Variants in LIN7B observed in about 807,000 individuals in gnomAD.
LIN7B encodes protein lin-7 homolog B.
Under a neutral mutation model 27.9 loss-of-function variants are expected in LIN7B, and 16 were observed. The ratio of observed to expected loss-of-function variants is 0.57; its 90% CI spans 0.39 to 0.87. The LOEUF (loss-of-function observed/expected upper bound fraction) is 0.87, where lower values mean the gene tolerates loss of function less well. LIN7B is among the 40% of genes least tolerant of loss of function. The pLI, the probability that LIN7B is intolerant of heterozygous loss-of-function variation, is 0.00. For synonymous variants in LIN7B, 147 were observed against 120.8 expected, an observed-to-expected ratio of 1.22 and a Z score of -1.42; for missense variants, 291 against 288.5, an observed-to-expected ratio of 1.01 and a Z score of -0.06.
chr19:49,116,333 A>T lies in LIN7B; in HGVS notation c.299A>T (p.Asp100Val), dbSNP rs2040824840. 1 of 1,614,170 alleles carries T rather than the reference A, an allele frequency of 6.2e-7. No homozygotes were observed. The highest frequency in any genetic ancestry group is 8.5e-7 in the Non-Finnish European group (1 of 1,180,024). The change falls in exon 4 of 6, where the codon GAT (aspartate) becomes GTT (valine). Residue 100 changes from aspartate (D) to valine (V), a missense_variant. Coordinates refer to ENST00000221459, the MANE Select transcript of LIN7B (RefSeq NM_022165.3). ...AGGGTAGTGGAGCTACCCAAGACGG[A>T]TGAGGGCCTAGGCTTCAACATCATG... is the stretch of plus-strand genomic sequence containing the variant. ...HPRVVELPKT[D>V]EGLGFNIMGG...
rs35767922 is a variant in LIN7B, at chr19:49,114,530, C to T, written c.37+89C>T. 0.3 allele frequency: 314,859 copies of T among 1,049,104 alleles called. 48,691 individuals carry two copies. Among genetic ancestry groups the T allele is most frequent in the African/African-American group, 0.35 (20,995 of 60,266 alleles). 65.0% of individuals were successfully genotyped at this position (1,049,104 alleles called of 1,614,324 possible). A position where few individuals can be genotyped will look rare whatever the true frequency, so the allele number is the denominator to read the frequency against. ...CCGCCCTTCCCGGGTCAGGCCAGTG[C>T]GGGTGGGCCAGCGGACCCGGAGGGG... is the stretch of plus-strand genomic sequence containing the variant. On this transcript the variant is annotated intron_variant, in intron 1 of 5. Coordinates refer to ENST00000221459, the MANE Select transcript of LIN7B (RefSeq NM_022165.3).
chr19:49,118,229 C>A (rs866667352), intron 5 of LIN7B, 123 bp from the exon 6 acceptor site: 34 of 1,339,340 alleles, frequency 2.5e-5, no homozygotes, highest in African/African-American at 1.2e-4. Context: ...AGATACGGAA[C>A]CTACTGTGGC....
Position 49,115,147 on chromosome 19 carries a change from C to T in LIN7B, c.157-113C>T, listed in dbSNP as rs1045967434. 79 of 997,666 alleles carry T rather than the reference C, an allele frequency of 7.9e-5. No individual in the cohort carries two copies. The African/African-American group carries it at 1.2e-3, about 15-fold the overall frequency. The allele number at this position is 997,666 out of a possible 1,614,324, so 61.8% of individuals were successfully genotyped here. A position where few individuals can be genotyped will look rare whatever the true frequency, so the allele number is the denominator to read the frequency against. ...TTGTAGTTTTCTCGGCCTTCTGTTGCGGGGGCGGGGCGGATCCTTGCGTGG... is the reference window on the plus strand; with the variant it reads ...TTGTAGTTTTCTCGGCCTTCTGTTGTGGGGGCGGGGCGGATCCTTGCGTGG... On this transcript the variant is annotated intron_variant, in intron 2 of 5. Coordinates refer to ENST00000221459, the MANE Select transcript of LIN7B (RefSeq NM_022165.3).
At chr19:49,116,116 G>T in intron 3 of LIN7B, 147 bp from the exon 4 acceptor site, 1 of 629,548 alleles carries the variant, frequency 1.6e-6, no homozygotes, top group Non-Finnish European at 2.8e-6. Context: ...GTCATTACAG[G>T]GGGATCGTGC....
At chr19:49,117,796 G>C (rs941476682) in intron 4 of LIN7B, 59 bp from the exon 5 acceptor site, 1 of 1,509,234 alleles carries the variant, frequency 6.6e-7, no homozygotes, top group Non-Finnish European at 9.2e-7. Context: ...CCATCTCCCA[G>C]TGGGGGCTGG....
chr19:49,114,379 G>C lies in LIN7B; in HGVS notation c.-26G>C, dbSNP rs540223275. 8.4e-7 allele frequency: 1 copy of C among 1,191,420 alleles called. No homozygotes were observed. The highest frequency in any genetic ancestry group is 1.0e-6 in the Non-Finnish European group (1 of 961,890). The allele number at this position is 1,191,420 out of a possible 1,614,324, so 73.8% of individuals were successfully genotyped here. On this transcript the variant is annotated 5_prime_UTR_variant, in exon 1 of 6. Coordinates refer to ENST00000221459, the MANE Select transcript of LIN7B (RefSeq NM_022165.3). ...CCTCCTCGCCGGCGCCAGGGCAGGC[G>C]GGCGGCTGGCAGCTGTGGCGCCGAC...
At chr19:49,116,222 C>T (rs758874770) in intron 3 of LIN7B, 41 bp from the exon 4 acceptor site, 18 of 1,576,618 alleles carry the variant, frequency 1.1e-5, no homozygotes, top group Admixed American at 1.7e-5. Context: ...TCATGCCTAC[C>T]TGGAAGGGGC....
At chr19:49,118,047 G>A (rs1600311474) in intron 5 of LIN7B, 29 bp downstream of exon 5, 1 of 1,611,286 alleles carries the variant, frequency 6.2e-7, no homozygotes, top group Admixed American at 1.7e-5. Flanking sequence ...ACACCCCTGG[G>A]GCCTCCACGG....
In LIN7B at chr19:49,116,364, C is replaced by G. The variant is rs2040825323; in HGVS notation, c.330C>G (p.Gly110=). The change falls in exon 4 of 6, where the codon GGC becomes GGG. Residue 110 remains glycine (G), a synonymous_variant. Transcript: ENST00000221459. ...GCCTAGGCTTCAACATCATGGGTGG[C>G]AAAGAGCAAAACTCGCCCATCTACA... The part of the protein sequence containing the change: ...DEGLGFNIMG[G]KEQNSPIYIS... 21 of 1,614,200 alleles carry G rather than the reference C, an allele frequency of 1.3e-5. No individual in the cohort carries two copies. The highest frequency in any genetic ancestry group is 1.8e-5 in the Non-Finnish European group (21 of 1,180,026).
intron 4 of LIN7B, among the ~76,000 whole-genome samples, chr19:49,117,339 G>C (rs2040843680): frequency 6.6e-6 from 1 of 151,910 alleles, no homozygotes; most frequent in South Asian, 2.1e-4. Context: ...GGACCTGAGT[G>C]CCAGCCTGAG....
chr19:49,118,197 C>G, intron 5 of LIN7B, 155 bp from the exon 6 acceptor site: 2 of 1,296,934 alleles, frequency 1.5e-6, no homozygotes, highest in Non-Finnish European at 2.2e-6. Context: ...CCCTGGGGAG[C>G]CCTTAGCTTC....
At position 49,116,340 on chromosome 19, in the gene LIN7B, C is replaced by T. The variant is rs1360007743; in HGVS notation, c.306C>T (p.Gly102=). ...RVVELPKTDE[G]LGFNIMGGKE... Reference sequence around the variant, plus strand: ...TGGAGCTACCCAAGACGGATGAGGGCCTAGGCTTCAACATCATGGGTGGCA... The same window carrying T: ...TGGAGCTACCCAAGACGGATGAGGGTCTAGGCTTCAACATCATGGGTGGCA... The change falls in exon 4 of 6, where the codon GGC becomes GGT. Residue 102 remains glycine, a synonymous_variant. Coordinates refer to ENST00000221459, the MANE Select transcript of LIN7B (RefSeq NM_022165.3). 4 of 1,614,160 alleles carry T rather than the reference C, an allele frequency of 2.5e-6. No homozygotes were observed. Among genetic ancestry groups the T allele is most frequent in the Non-Finnish European group, 3.4e-6 (4 of 1,180,010 alleles).
Position 49,114,633 on chromosome 19 carries a change from C to G in LIN7B, c.37+192C>G, listed in dbSNP as rs1387272251. On this transcript the variant is annotated intron_variant, in intron 1 of 5. Transcript: ENST00000221459. Reference sequence around the variant, plus strand: ...TGGGCGCGGGCCGGGACGCTGGGCGCCCGCCTTACAACCCGGCCTGTGGAG... The same window carrying G: ...TGGGCGCGGGCCGGGACGCTGGGCGGCCGCCTTACAACCCGGCCTGTGGAG... The G allele has an allele frequency of 5.6e-5, 26 of 468,362 alleles. No homozygotes were observed. In the Admixed American group the frequency reaches 5.8e-4, roughly 10 times the overall value. 29.0% of individuals were successfully genotyped at this position (468,362 alleles called of 1,614,324 possible).
chr19:49,114,832 C>A lies in LIN7B; in HGVS notation c.38-17C>A. ...CTCTGACACTCGGGGTTTCTGCGCCCCGCCCCCGCCCCGCAGACGTGTCCC... is the reference window on the plus strand; with the variant it reads ...CTCTGACACTCGGGGTTTCTGCGCCACGCCCCCGCCCCGCAGACGTGTCCC... On this transcript the variant is annotated splice_polypyrimidine_tract_variant and intron_variant, in intron 1 of 5. Coordinates refer to ENST00000221459, the MANE Select transcript of LIN7B (RefSeq NM_022165.3). The A allele has an allele frequency of 7.1e-7, 1 of 1,398,688 alleles. No homozygotes were observed. Among genetic ancestry groups the A allele is most frequent in the Non-Finnish European group, 9.4e-7 (1 of 1,069,060 alleles). The allele number at this position is 1,398,688 out of a possible 1,614,324, so 86.6% of individuals were successfully genotyped here. A position where few individuals can be genotyped will look rare whatever the true frequency, so the allele number is the denominator to read the frequency against.
At chr19:49,118,257 C>G in intron 5 of LIN7B, 95 bp from the exon 6 acceptor site, 1 of 1,448,974 alleles carries the variant, frequency 6.9e-7, no homozygotes, top group South Asian at 1.1e-5. Flanking sequence ...CCTCAGCCCA[C>G]TTACCTGGGC....
At chr19:49,116,649 C>T (rs2040831146) in intron 4 of LIN7B, among the ~76,000 whole-genome samples, 177 bp downstream of exon 4, 1 of 152,250 alleles carries the variant, frequency 6.6e-6, no homozygotes, top group African/African-American at 2.4e-5. Context: ...AACCTTCTCT[C>T]TCTGGGGAGG....
rs1484393879 is a variant in LIN7B, at chr19:49,117,903, G to A, written c.487G>A (p.Ala163Thr). 3 of 1,614,028 alleles carry A rather than the reference G, an allele frequency of 1.9e-6. No homozygotes were observed. The South Asian group carries it at 3.3e-5, about 18-fold the overall frequency. Reference protein sequence around the residue: ...HEKAVELLKAAQGSVKLVVRY... With the variant: ...HEKAVELLKATQGSVKLVVRY... The stretch of plus-strand genomic sequence containing the variant: ...GAAGGCGGTGGAGCTGCTGAAGGCG[G>A]CCCAGGGCTCGGTGAAGCTGGTTGT... Residue 163 changes from alanine (A) to threonine (T), a missense_variant, in exon 5 of 6, where the codon GCC (alanine) becomes ACC (threonine). Physicochemically the swap from Ala to Thr is moderately conservative, Grantham distance 58. Coordinates refer to ENST00000221459, the MANE Select transcript of LIN7B (RefSeq NM_022165.3).
chr19:49,117,913 C>T lies in LIN7B; in HGVS notation c.497C>T (p.Ser166Leu). 6.2e-7 allele frequency: 1 copy of T among 1,614,034 alleles called. No individual in the cohort carries two copies. Among genetic ancestry groups the T allele is most frequent in the Non-Finnish European group, 8.5e-7 (1 of 1,179,972 alleles). ...GAGCTGCTGAAGGCGGCCCAGGGCT[C>T]GGTGAAGCTGGTTGTCCGTTACACA... ...AVELLKAAQG[S>L]VKLVVRYTPR... The change falls in exon 5 of 6, where the codon TCG (serine) becomes TTG (leucine). Residue 166 changes from serine to leucine, a missense_variant. Physicochemically the swap from Ser to Leu is moderately radical, Grantham distance 145. Transcript: ENST00000221459.
chr19:49,117,256 AAAAAAAAC>A lies in LIN7B; in HGVS notation c.439-594_439-587del, dbSNP rs1459319372. 2.4e-3 allele frequency among the ~76,000 whole-genome samples: 348 copies of A among 146,132 alleles called. 4 individuals carry two copies. The highest frequency in any genetic ancestry group is 8.0e-3 in the African/African-American group (315 of 39,406). Reference sequence around the variant, plus strand: ...GTGAGACTCCCTCTCAAAAAAAAAAAAAAAAAACAAAACTCACTGTGGTTAGAGTTGAG... The same window carrying A: ...GTGAGACTCCCTCTCAAAAAAAAAAAAAAACTCACTGTGGTTAGAGTTGAG... On this transcript the variant is annotated intron_variant, in intron 4 of 5. Coordinates refer to ENST00000221459, the MANE Select transcript of LIN7B (RefSeq NM_022165.3).
Sources: gnomAD v4.1 joint callset for allele counts (sites outside exome capture counted in the v4.1 genomes callset) on GRCh38, gnomAD v4.1.1 for gene constraint, MANE v1.5 for transcripts, NCBI Gene and HGNC (gene_info 2026-07-23, HGNC 2026-07-21) for gene names.